Variants in EVL observed in about 807,000 individuals in gnomAD.
The protein encoded by EVL is Enah/Vasp-like, also known as ena/VASP-like protein.
In EVL, 21 loss-of-function variants were observed where a neutral mutation model predicts 59.6. The ratio of observed to expected loss-of-function variants is 0.35; its 90% CI spans 0.25 to 0.51. The LOEUF is 0.51. EVL is among the 20% of genes least tolerant of loss of function. The pLI is 0.97. For missense variants in EVL, 462 were observed against 546.6 expected, an observed-to-expected ratio of 0.85 and a Z score of 1.54; for synonymous variants, 198 against 203.5, an observed-to-expected ratio of 0.97 and a Z score of 0.23.
intron 4 of EVL, among the ~76,000 whole-genome samples, chr14:100,125,704 C>T (rs569752605): frequency 2.6e-5 from 4 of 152,008 alleles, no homozygotes; most frequent in Admixed American, 6.6e-5. Context: ...TACAGGCGCG[C>T]GCCACCACAC....
chr14:100,033,432 G>A (rs1318912292), intron 1 of EVL, among the ~76,000 whole-genome samples: 1 of 152,172 alleles, frequency 6.6e-6, no homozygotes, highest in Non-Finnish European at 1.5e-5. Flanking sequence ...GATTCAGAGA[G>A]GTTAAATCAC....
chr14:100,079,299 G>C (rs1165630965), intron 1 of EVL, among the ~76,000 whole-genome samples: 1 of 152,192 alleles, frequency 6.6e-6, no homozygotes, highest in Non-Finnish European at 1.5e-5. Context: ...TAAATGGAGA[G>C]GATTGTGAGT....
chr14:99,992,912 A>C (rs1426343349), intron 1 of EVL, among the ~76,000 whole-genome samples: 1 of 152,064 alleles, frequency 6.6e-6, no homozygotes, highest in Non-Finnish European at 1.5e-5. Flanking sequence ...GTTATCATGA[A>C]AGGGTGTTGA....
At chr14:99,985,611 T>C (rs1403836918) in intron 1 of EVL, among the ~76,000 whole-genome samples, 1 of 151,908 alleles carries the variant, frequency 6.6e-6, no homozygotes, top group African/African-American at 2.4e-5. Context: ...CTACTTAAAA[T>C]ACAAGATTAG....
intron 1 of EVL, among the ~76,000 whole-genome samples, chr14:100,023,227 C>CA (rs1285815082): frequency 6.9e-6 from 1 of 144,384 alleles, no homozygotes; most frequent in African/African-American, 2.6e-5. Flanking sequence ...TTTTTTGGAA[C>CA]ACAGTCTCAC....
chr14:100,141,895 T>C, intron 13 of EVL, 102 bp downstream of exon 13: 1 of 958,596 alleles, frequency 1.0e-6, no homozygotes, highest in Non-Finnish European at 1.6e-6. Flanking sequence ...CTGGAGCCCA[T>C]ACTGCACTGG....
intron 1 of EVL, among the ~76,000 whole-genome samples, chr14:100,030,615 A>G (rs1207660693): frequency 1.3e-5 from 2 of 152,174 alleles, no homozygotes; most frequent in Non-Finnish European, 2.9e-5. Flanking sequence ...TTGGAAGATA[A>G]TCATGTTTGC....
chr14:100,046,482 C>T (rs2061547398), intron 1 of EVL, among the ~76,000 whole-genome samples: 2 of 152,070 alleles, frequency 1.3e-5, no homozygotes, highest in Admixed American at 1.3e-4. Flanking sequence ...GCCTGGCTGA[C>T]ATGGCGAAAC....
At chr14:100,083,366 T>G (rs1489310079) in intron 1 of EVL, among the ~76,000 whole-genome samples, 1 of 152,182 alleles carries the variant, frequency 6.6e-6, no homozygotes, top group African/African-American at 2.4e-5. Context: ...GTGTACAGTT[T>G]ACTCTATCTT....
intron 1 of EVL, among the ~76,000 whole-genome samples, chr14:100,004,591 A>C (rs1205828666): frequency 6.6e-6 from 1 of 152,152 alleles, no homozygotes. Flanking sequence ...TGTGACTTAC[A>C]TACACCATTC....
rs142391733 is a variant in EVL, at chr14:100,137,425, C to G, written c.965-153C>G. 1.1e-4 allele frequency: 82 copies of G among 717,286 alleles called. No homozygotes were observed. In the African/African-American group the frequency reaches 1.3e-3, roughly 11 times the overall value. 44.4% of individuals were successfully genotyped at this position (717,286 alleles called of 1,614,324 possible). A position where few individuals can be genotyped will look rare whatever the true frequency, so the allele number is the denominator to read the frequency against. On this transcript the variant is annotated intron_variant, in intron 9 of 13. Transcript: ENST00000392920. Reference sequence around the variant, plus strand: ...GCCATGGGGGACTGAGAACAAGGTGCCAGGTTTTGGCTTAACTCAATCAGA... The same window carrying G: ...GCCATGGGGGACTGAGAACAAGGTGGCAGGTTTTGGCTTAACTCAATCAGA...
At chr14:100,021,451 CT>C (rs1457274622) in intron 1 of EVL, among the ~76,000 whole-genome samples, 1 of 152,196 alleles carries the variant, frequency 6.6e-6, no homozygotes, top group Non-Finnish European at 1.5e-5. Context: ...CATTTTGTGA[CT>C]GCTGCATGGT....
At chr14:100,096,169 G>C (rs1177782306) in intron 2 of EVL, among the ~76,000 whole-genome samples, 2 of 152,178 alleles carry the variant, frequency 1.3e-5, no homozygotes, top group African/African-American at 4.8e-5. Flanking sequence ...CATGTTTGCT[G>C]TCCTCTGGCT....
intron 3 of EVL, among the ~76,000 whole-genome samples, chr14:100,121,099 T>A (rs1271084743): frequency 6.6e-6 from 1 of 152,172 alleles, no homozygotes; most frequent in African/African-American, 2.4e-5. Flanking sequence ...CCGCCTTGGC[T>A]TCTGCCTGCA....
intron 1 of EVL, among the ~76,000 whole-genome samples, chr14:100,067,354 T>C (rs961811957): frequency 2.6e-5 from 4 of 152,222 alleles, no homozygotes; most frequent in Non-Finnish European, 5.9e-5. Flanking sequence ...TACCCACCAA[T>C]CAAGAAACAG....
chr14:100,022,050 G>A (rs909365795), intron 1 of EVL, among the ~76,000 whole-genome samples: 4 of 152,000 alleles, frequency 2.6e-5, no homozygotes, highest in African/African-American at 9.7e-5. Flanking sequence ...AGCTGAAATG[G>A]GGAGAGTGAT....
chr14:100,054,049 C>CTTTTTTTTTTTTTTTTTTTTTTTT (rs11302582), intron 1 of EVL, among the ~76,000 whole-genome samples: 1 of 61,256 alleles, frequency 1.6e-5, no homozygotes. Context: ...TATTTTTGGA[C>CTTTTTTTTTTTTTTTTTTTTTTTT]TTTTTTTTTT....
At chr14:100,136,189 G>A (rs986492551) in intron 9 of EVL, among the ~76,000 whole-genome samples, 6 of 152,270 alleles carry the variant, frequency 3.9e-5, no homozygotes, top group African/African-American at 7.2e-5. Context: ...TGGGTCCCCA[G>A]GGTGACCTGC....
At chr14:100,036,732 C>T (rs966146272) in intron 1 of EVL, among the ~76,000 whole-genome samples, 3 of 152,330 alleles carry the variant, frequency 2.0e-5, no homozygotes, top group African/African-American at 7.2e-5. Context: ...TGTCAGACCA[C>T]AGCTGCAGTG....
Sources: gnomAD v4.1 joint callset for allele counts (sites outside exome capture counted in the v4.1 genomes callset) on GRCh38, gnomAD v4.1.1 for gene constraint, MANE v1.5 for transcripts, NCBI Gene and HGNC (gene_info 2026-07-23, HGNC 2026-07-21) for gene names.